Variants in OPRM1 observed in about 807,000 individuals in gnomAD.
OPRM1 encodes opioid receptor mu 1.
In OPRM1, 27 loss-of-function variants were observed where a neutral mutation model predicts 31.8. The observed-to-expected ratio is 0.85, with a 90% CI of 0.63 to 1.17. The LOEUF is 1.17. Among genes scored for constraint, OPRM1 ranks in the 50% most tolerant of loss-of-function variants. The pLI, the probability that OPRM1 is intolerant of heterozygous loss-of-function variation, is 0.00. For missense variants in OPRM1, 536 were observed against 511.1 expected (o/e 1.05, Z -0.47); for synonymous variants, 196 against 189.9 (o/e 1.03, Z -0.26).
At chr6:154,224,930 T>C (rs1475339011) in intron 3 of OPRM1, among the ~76,000 whole-genome samples, 5 of 152,136 alleles carry the variant, frequency 3.3e-5, no homozygotes, top group Admixed American at 6.5e-5. Flanking sequence ...ACAGACTAAG[T>C]CAACTTTCTG....
At chr6:154,185,949 A>G (rs1156355984) in intron 3 of OPRM1, among the ~76,000 whole-genome samples, 3 of 152,218 alleles carry the variant, frequency 2.0e-5, no homozygotes, top group Non-Finnish European at 4.4e-5. Context: ...CCCCCAGAAT[A>G]ACGACCCTTT....
chr6:154,191,918 A>T (rs1801924392), intron 3 of OPRM1, among the ~76,000 whole-genome samples: 1 of 152,168 alleles, frequency 6.6e-6, no homozygotes, highest in Admixed American at 6.5e-5. Flanking sequence ...AAGCCTATTA[A>T]TTTCAAAATA....
At chr6:154,141,124 T>C (rs1798196160) in intron 3 of OPRM1, among the ~76,000 whole-genome samples, 1 of 152,210 alleles carries the variant, frequency 6.6e-6, no homozygotes. Flanking sequence ...CATTTAGCTA[T>C]TCTGAGCCTA....
intron 3 of OPRM1, among the ~76,000 whole-genome samples, chr6:154,139,397 T>G (rs1380020743): frequency 3.3e-5 from 5 of 152,200 alleles, no homozygotes; most frequent in Admixed American, 3.3e-4. Flanking sequence ...GTTTCCCTTT[T>G]GAAAACTCTT....
At chr6:154,190,695 A>G (rs1272408315) in intron 3 of OPRM1, among the ~76,000 whole-genome samples, 1 of 152,232 alleles carries the variant, frequency 6.6e-6, no homozygotes, top group Non-Finnish European at 1.5e-5. Context: ...CATCCATGCA[A>G]TAATCTGCAC....
At position 154,119,062 on chromosome 6, in the gene OPRM1, C is replaced by A. The variant is rs1797161188; in HGVS notation, c.*341C>A. ...TTATTTTCAAGCAAATATTTATGACCTCAACAAAGAAGAACCATCTTTTGT... is the reference window on the plus strand; with the variant it reads ...TTATTTTCAAGCAAATATTTATGACATCAACAAAGAAGAACCATCTTTTGT... On this transcript the variant is annotated 3_prime_UTR_variant, in exon 4 of 4. Coordinates refer to ENST00000330432, the MANE Select transcript of OPRM1 (RefSeq NM_000914.5). 4 of 1,047,102 alleles carry A rather than the reference C, an allele frequency of 3.8e-6. No individual in the cohort carries two copies. The highest frequency in any genetic ancestry group is 4.6e-6 in the Non-Finnish European group (4 of 869,556). 64.9% of individuals were successfully genotyped at this position (1,047,102 alleles called of 1,614,324 possible). A position where few individuals can be genotyped will look rare whatever the true frequency, so the allele number is the denominator to read the frequency against.
At chr6:154,078,237 A>T (rs187331158) in intron 1 of OPRM1, among the ~76,000 whole-genome samples, 7 of 152,322 alleles carry the variant, frequency 4.6e-5, no homozygotes, top group Admixed American at 1.3e-4. Context: ...GTCACACTCT[A>T]GCCCTGTCCT....
Position 154,120,567 on chromosome 6 carries a change from T to C in OPRM1, c.*1846T>C, listed in dbSNP as rs995400323. Among the ~76,000 whole-genome samples, 7 of 152,180 alleles carry C rather than the reference T, an allele frequency of 4.6e-5. No homozygotes were observed. The highest frequency in any genetic ancestry group is 7.4e-5 in the Non-Finnish European group (5 of 68,024). On this transcript the variant is annotated 3_prime_UTR_variant, in exon 4 of 4. Transcript: ENST00000330432. Reference sequence around the variant, plus strand: ...GATTTAGAATGTTAAATAAGTGTACTAGGGTGTATATATTTACATATATAC... The same window carrying C: ...GATTTAGAATGTTAAATAAGTGTACCAGGGTGTATATATTTACATATATAC...
At chr6:154,098,234 G>T (rs1005590379) in intron 3 of OPRM1, among the ~76,000 whole-genome samples, 3 of 152,046 alleles carry the variant, frequency 2.0e-5, no homozygotes, top group African/African-American at 4.8e-5. Context: ...GAAATTTAGG[G>T]AAATTTAGTT....
Position 154,128,710 on chromosome 6 carries a change from G to A in OPRM1, c.*9989G>A, listed in dbSNP as rs1797725442. On this transcript the variant is annotated 3_prime_UTR_variant, in exon 4 of 4. Transcript: ENST00000330432. The stretch of plus-strand genomic sequence containing the variant: ...GGTTTCCCAGAGACAGCTGGAGACT[G>A]AGCACATAAAGACATCATTGAGGAA... 6.6e-6 allele frequency among the ~76,000 whole-genome samples: 1 copy of A among 152,164 alleles called. No individual in the cohort carries two copies. Among genetic ancestry groups the A allele is most frequent in the Non-Finnish European group, 1.5e-5 (1 of 68,044 alleles).
chr6:154,044,507 T>C (rs1313472409), intron 1 of OPRM1, among the ~76,000 whole-genome samples: 1 of 152,178 alleles, frequency 6.6e-6, no homozygotes, highest in Non-Finnish European at 1.5e-5. Context: ...TTCTGAGTAC[T>C]TTTAACTGAT....
chr6:154,099,883 A>C (rs1158768287), intron 3 of OPRM1, among the ~76,000 whole-genome samples: 2 of 145,432 alleles, frequency 1.4e-5, no homozygotes, highest in East Asian at 4.0e-4. Flanking sequence ...TATATATCAT[A>C]ACATATTATA....
intron 3 of OPRM1, among the ~76,000 whole-genome samples, chr6:154,145,903 G>A (rs916885289): frequency 6.6e-6 from 1 of 152,192 alleles, no homozygotes; most frequent in Non-Finnish European, 1.5e-5. Flanking sequence ...TCAACAAATG[G>A]TGCTGGAGCA....
chr6:154,025,868 CTATTTA>C (rs1778666484), intron 1 of OPRM1, among the ~76,000 whole-genome samples: 1 of 152,016 alleles, frequency 6.6e-6, no homozygotes, highest in African/African-American at 2.4e-5. Context: ...TTTGTTGTTT[CTATTTA>C]TATCTTATTG....
chr6:154,050,412 C>T (rs1190973434), intron 1 of OPRM1, among the ~76,000 whole-genome samples: 1 of 152,038 alleles, frequency 6.6e-6, no homozygotes. Context: ...TACTACTATT[C>T]AGCCATTAAA....
chr6:154,180,414 A>ATATATATATATATATATATTTTTTTT (rs1241250621), intron 3 of OPRM1, among the ~76,000 whole-genome samples: 1 of 65,264 alleles, frequency 1.5e-5, no homozygotes, highest in African/African-American at 4.8e-5. Flanking sequence ...ATATATATAT[A>ATATATATATATATATATATTTTTTTT]TTTTTTTTTT....
chr6:154,022,419 C>T (rs962810782), intron 1 of OPRM1, among the ~76,000 whole-genome samples: 5 of 122,208 alleles, frequency 4.1e-5, no homozygotes, highest in Non-Finnish European at 8.0e-5. Flanking sequence ...AGGGGCCTGG[C>T]CTGCTCCCCA....
intron 3 of OPRM1, among the ~76,000 whole-genome samples, chr6:154,185,294 A>G (rs1998220): frequency 0.62 from 95,021 of 152,062 alleles, 30,454 homozygotes; most frequent in African/African-American, 0.76. Context: ...TGACTGCCTA[A>G]GTGTTCAAAC....
exon 1 of OPRM1, chr6:154,010,606 C>G: frequency 6.5e-7 from 1 of 1,532,194 alleles, no homozygotes; most frequent in Non-Finnish European, 8.8e-7. Context: ...GAAGTGTGAT[C>G]TGTCACAATA....
Sources: gnomAD v4.1 joint callset for allele counts (sites outside exome capture counted in the v4.1 genomes callset) on GRCh38, gnomAD v4.1.1 for gene constraint, MANE v1.5 for transcripts, NCBI Gene and HGNC (gene_info 2026-07-23, HGNC 2026-07-21) for gene names.